SPAG17: variants seen among roughly 807,000 people sequenced by gnomAD.
SPAG17 encodes the protein sperm associated antigen 17.
In SPAG17, 169 loss-of-function variants were observed where a neutral mutation model predicts 273.6. The observed-to-expected ratio is 0.62, with a 90% CI of 0.55 to 0.70. The LOEUF (loss-of-function observed/expected upper bound fraction) is 0.70. Ranked by LOEUF, SPAG17 falls within the 30% of genes least tolerant of loss-of-function variation. SPAG17 has a pLI of 0.00. For missense variants in SPAG17, 2,557 were observed against 2,627.8 expected (o/e 0.97, Z 0.59); for synonymous variants, 825 against 873.2 (o/e 0.94, Z 0.97).
chr1:118,074,749 G>C, intron 15 of SPAG17, 149 bp from the exon 16 acceptor site: 1 of 681,672 alleles, frequency 1.5e-6, no homozygotes, highest in South Asian at 1.8e-5. Flanking sequence ...CTCCAGAAAG[G>C]TGTTTGTGTC....
rs751564795 is a variant in SPAG17 at position 118,031,871 on chromosome 1, T to TA, written c.3434-5dup. The TA allele has an allele frequency of 6.4e-7, 1 of 1,560,012 alleles. No homozygotes were observed. The highest frequency in any genetic ancestry group is 1.2e-5 in the South Asian group (1 of 81,730). On this transcript the variant is annotated splice_region_variant and splice_polypyrimidine_tract_variant and intron_variant, in intron 24 of 48. Transcript: ENST00000336338. ...TCTAAATCAGGATCCTTATCTTCTA[T>TA]AAGCAGAAAAAGTAAAAATGAAGTT...
chr1:118,086,048 G>A lies in SPAG17; in HGVS notation c.1636C>T (p.Gln546Ter). The change falls in exon 13 of 49, where the codon CAA becomes TAA. Residue 546 changes from glutamine to a stop codon, truncating the protein, a stop_gained. Transcript: ENST00000336338. LOFTEE classifies it high-confidence loss of function. ...TTGGACTGCATCTCCTGCTCAATTT[G>A]AACTGGATCAAAATTCTTTTGGTCC... ...LQDQKNFDPV[Q>*]IEQEMQSKLP... 6.2e-7 allele frequency: 1 copy of A among 1,613,488 alleles called. No individual in the cohort carries two copies. Among genetic ancestry groups the A allele is most frequent in the Non-Finnish European group, 8.5e-7 (1 of 1,179,844 alleles).
intron 6 of SPAG17, among the ~76,000 whole-genome samples, chr1:118,098,896 T>A (rs1425535038): frequency 1.3e-5 from 2 of 152,140 alleles, no homozygotes; most frequent in East Asian, 1.9e-4. Context: ...CTGCATAAGA[T>A]ACAAAACACT....
Position 117,953,863 on chromosome 1 carries a change from C to T in SPAG17, c.*187G>A. 2.9e-6 allele frequency: 2 copies of T among 693,870 alleles called. No individual in the cohort carries two copies. The highest frequency in any genetic ancestry group is 4.8e-6 in the Non-Finnish European group (2 of 415,800). The allele number at this position is 693,870 out of a possible 1,614,324, so 43.0% of individuals were successfully genotyped here. The stretch of plus-strand genomic sequence containing the variant: ...AGAAAACCAAAAATGTCTTTAAATG[C>T]TTTTTGGCACTCTATTCGCACGTCT... On this transcript the variant is annotated 3_prime_UTR_variant, in exon 49 of 49. Transcript: ENST00000336338.
intron 17 of SPAG17, among the ~76,000 whole-genome samples, chr1:118,069,060 A>T (rs1206164243): frequency 6.6e-6 from 1 of 152,148 alleles, no homozygotes; most frequent in Non-Finnish European, 1.5e-5. Context: ...GTCATATAAA[A>T]GTAGGCCGGG....
chr1:118,024,651 G>C (rs1454645710), intron 27 of SPAG17, among the ~76,000 whole-genome samples: 8 of 151,354 alleles, frequency 5.3e-5, no homozygotes, highest in African/African-American at 1.9e-4. Context: ...GAAAGAGCAG[G>C]GCATATGGCT....
At chr1:118,116,789 C>A (rs984971768) in intron 3 of SPAG17, among the ~76,000 whole-genome samples, 2 of 152,162 alleles carry the variant, frequency 1.3e-5, no homozygotes, top group Non-Finnish European at 2.9e-5. Context: ...AAGGAACTAA[C>A]CAAGTGTCAG....
At chr1:118,109,920 T>C (rs1282377062) in intron 4 of SPAG17, among the ~76,000 whole-genome samples, 2 of 152,222 alleles carry the variant, frequency 1.3e-5, no homozygotes, top group African/African-American at 2.4e-5. Flanking sequence ...AGCTATTATG[T>C]TCTTAAATAT....
chr1:118,055,902 T>A lies in SPAG17; in HGVS notation c.2553A>T (p.Glu851Asp). ...HSNVGFRNYL[E>D]LVAKSIQDWI... ...AATCTTGAATAGATTTTGCAACAAG[T>A]TCCAAATAATTCCTAAACAAACCAA... The change falls in exon 19 of 49, where the codon GAA (glutamate) becomes GAT (aspartate). Residue 851 changes from glutamate (E) to aspartate (D), a missense_variant. Glu to Asp is a conservative substitution (Grantham distance 45). Transcript: ENST00000336338. The A allele has an allele frequency of 6.2e-7, 1 of 1,604,336 alleles. No individual in the cohort carries two copies. The highest frequency in any genetic ancestry group is 8.5e-7 in the Non-Finnish European group (1 of 1,177,388).
intron 25 of SPAG17, among the ~76,000 whole-genome samples, chr1:118,031,155 TA>T (rs370974088): frequency 9.3e-5 from 14 of 150,040 alleles, no homozygotes; most frequent in African/African-American, 3.4e-4. Flanking sequence ...GATGAAGGGC[TA>T]GGGGTAATAG....
At chr1:118,063,012 GGATAATGGAAATTAGAAATGT>G (rs1652515646) in intron 18 of SPAG17, among the ~76,000 whole-genome samples, 1 of 152,092 alleles carries the variant, frequency 6.6e-6, no homozygotes, top group African/African-American at 2.4e-5. Flanking sequence ...AAGTAAGAAA[GGATAATGGAAATTAGAAATGT>G]GAAGGACCTC....
In SPAG17 at chr1:118,016,133, A is replaced by G. The variant is rs1481668358; in HGVS notation, c.4119T>C (p.His1373=). The G allele has an allele frequency of 6.2e-7, 1 of 1,614,078 alleles. No homozygotes were observed. The highest frequency in any genetic ancestry group is 2.2e-5 in the East Asian group (1 of 44,876). ...TTTGAACTGCCTCTGGAGGAGGGTC[A>G]TGGATTTCACCCTTATGGGCCATTG... ...QSSMAHKGEI[H]DPPPEAVQTV... Residue 1373 remains histidine (H), a synonymous_variant, in exon 29 of 49, where the codon CAT becomes CAC. Transcript: ENST00000336338.
intron 22 of SPAG17, among the ~76,000 whole-genome samples, chr1:118,040,039 G>A (rs1332566190): frequency 6.6e-6 from 1 of 152,026 alleles, no homozygotes; most frequent in Non-Finnish European, 1.5e-5. Flanking sequence ...AATGTTAAAT[G>A]GTTTTGCAAC....
intron 15 of SPAG17, among the ~76,000 whole-genome samples, chr1:118,080,752 T>G (rs995888498): frequency 6.6e-6 from 1 of 152,148 alleles, no homozygotes; most frequent in Non-Finnish European, 1.5e-5. Flanking sequence ...TGAGCATTGA[T>G]TTTGAACCAA....
At chr1:118,082,654 CAGATAAATGTAAG>C (rs1368495784) in intron 13 of SPAG17, among the ~76,000 whole-genome samples, 1 of 152,068 alleles carries the variant, frequency 6.6e-6, no homozygotes, top group Non-Finnish European at 1.5e-5. Context: ...TCGTTGGAAA[CAGATAAATGTAAG>C]AGATAAAAGA....
chr1:117,970,900 C>T (rs1225194743), intron 45 of SPAG17, among the ~76,000 whole-genome samples: 1 of 152,164 alleles, frequency 6.6e-6, no homozygotes, highest in Non-Finnish European at 1.5e-5. Context: ...ACTTTGTTGG[C>T]AACAACCTAA....
chr1:117,983,995 A>G (rs1183245759), intron 41 of SPAG17, 82 bp from the exon 42 acceptor site: 2 of 628,018 alleles, frequency 3.2e-6, no homozygotes, highest in African/African-American at 3.6e-5. Context: ...AATAAGCAAT[A>G]ATGAAAACAT....
chr1:118,028,512 G>A, intron 25 of SPAG17, 118 bp from the exon 26 acceptor site: 7 of 1,242,258 alleles, frequency 5.6e-6, no homozygotes, highest in Non-Finnish European at 7.7e-6. Flanking sequence ...GAGCTAGGTG[G>A]CCCCTGCAAG....
intron 32 of SPAG17, among the ~76,000 whole-genome samples, chr1:117,999,973 T>C (rs1478880401): frequency 6.6e-6 from 1 of 152,248 alleles, no homozygotes; most frequent in South Asian, 2.1e-4. Flanking sequence ...CATGTAAGTC[T>C]TTAATCCATC....
Sources: gnomAD v4.1 joint callset for allele counts (sites outside exome capture counted in the v4.1 genomes callset) on GRCh38, gnomAD v4.1.1 for gene constraint, MANE v1.5 for transcripts, NCBI Gene and HGNC (gene_info 2026-07-23, HGNC 2026-07-21) for gene names.